The following ASTN2 variants were observed in gnomAD, a reference collection of about 807,000 sequenced individuals.
ASTN2 encodes the protein astrotactin 2, also known as astrotactin-2.
A neutral mutation model predicts 139.8 loss-of-function variants in ASTN2; 54 were observed. The ratio of observed to expected loss-of-function variants is 0.39; its 90% CI spans 0.31 to 0.48. The LOEUF (loss-of-function observed/expected upper bound fraction) is 0.48, where lower values mean the gene tolerates loss of function less well. Ranked by LOEUF, ASTN2 falls within the 20% of genes least tolerant of loss-of-function variation. The pLI is 0.95. For missense variants in ASTN2, 1,565 were observed against 1,725.1 expected (o/e 0.91, Z 1.64); for synonymous variants, 756 against 719.5 (o/e 1.05, Z -0.81).
intron 16 of ASTN2, among the ~76,000 whole-genome samples, chr9:116,724,807 T>C (rs549935975): frequency 7.9e-5 from 12 of 152,212 alleles, no homozygotes; most frequent in Non-Finnish European, 1.8e-4. Flanking sequence ...CTTTTACAAA[T>C]AGTTGATAAT....
At position 116,462,123 on chromosome 9, in the gene ASTN2, T is replaced by C. The variant is rs1274847108; in HGVS notation, c.3498-19570A>G. On this transcript the variant is annotated intron_variant, in intron 20 of 22. Coordinates refer to ENST00000313400, the MANE Select transcript of ASTN2 (RefSeq NM_001365068.1). ...AGCCAGGGTTTAAACCCAAGCCTGA[T>C]TCTAAAGACCACTCTCTTTCTGCTA... Among the ~76,000 whole-genome samples, 7 of 152,178 alleles carry C rather than the reference T, an allele frequency of 4.6e-5. No individual in the cohort carries two copies. The East Asian group carries it at 1.3e-3, about 29-fold the overall frequency.
chr9:116,676,389 G>C (rs1026605776), intron 16 of ASTN2, among the ~76,000 whole-genome samples: 1 of 152,208 alleles, frequency 6.6e-6, no homozygotes, highest in Non-Finnish European at 1.5e-5. Context: ...GTAATGGAGA[G>C]AGGGGTATCA....
chr9:116,597,878 T>A (rs893024492), intron 19 of ASTN2, among the ~76,000 whole-genome samples: 4 of 152,164 alleles, frequency 2.6e-5, no homozygotes, highest in Non-Finnish European at 5.9e-5. Context: ...TCCTACATCG[T>A]TGATGTCAGC....
intron 2 of ASTN2, among the ~76,000 whole-genome samples, chr9:117,236,346 T>G (rs933566732): frequency 6.6e-6 from 1 of 152,174 alleles, no homozygotes; most frequent in Non-Finnish European, 1.5e-5. Flanking sequence ...GCTACCATCA[T>G]GGGGAGGTCC....
At chr9:116,890,387 G>A (rs1833733365) in intron 10 of ASTN2, among the ~76,000 whole-genome samples, 1 of 152,174 alleles carries the variant, frequency 6.6e-6, no homozygotes, top group Non-Finnish European at 1.5e-5. Context: ...GCTAGCAATA[G>A]CTCAACATGG....
intron 4 of ASTN2, among the ~76,000 whole-genome samples, chr9:117,116,473 C>T (rs1021748964): frequency 2.0e-5 from 3 of 151,988 alleles, no homozygotes; most frequent in Non-Finnish European, 4.4e-5. Context: ...AAGAATTAAA[C>T]AAACACACAA....
At chr9:116,839,879 TTA>T in intron 11 of ASTN2, among the ~76,000 whole-genome samples, 2 of 107,494 alleles carry the variant, frequency 1.9e-5, no homozygotes, top group South Asian at 5.5e-4. Flanking sequence ...ATTATTATTA[TTA>T]TTTTTTTTTT....
chr9:116,953,496 C>T (rs1024091061), intron 10 of ASTN2, among the ~76,000 whole-genome samples: 3 of 152,192 alleles, frequency 2.0e-5, no homozygotes, highest in Admixed American at 6.5e-5. Flanking sequence ...ATGAGACACT[C>T]ATTTTTGCAT....
At chr9:116,676,551 T>G (rs1859513969) in intron 16 of ASTN2, among the ~76,000 whole-genome samples, 1 of 152,214 alleles carries the variant, frequency 6.6e-6, no homozygotes, top group African/African-American at 2.4e-5. Context: ...CTCAACCTTG[T>G]GACCATATGG....
chr9:116,460,892 A>C (rs1036330703), intron 20 of ASTN2, among the ~76,000 whole-genome samples: 1 of 152,172 alleles, frequency 6.6e-6, no homozygotes, highest in Non-Finnish European at 1.5e-5. Flanking sequence ...CCCATTTCTT[A>C]ACAAATGGTA....
chr9:117,088,791 C>G (rs1828631040), intron 5 of ASTN2, among the ~76,000 whole-genome samples: 1 of 152,202 alleles, frequency 6.6e-6, no homozygotes, highest in Non-Finnish European at 1.5e-5. Flanking sequence ...GAGCAACCTG[C>G]AGATGAGAAA....
intron 1 of ASTN2, among the ~76,000 whole-genome samples, chr9:117,400,123 G>A (rs1490838020): frequency 6.6e-6 from 1 of 152,168 alleles, no homozygotes. Context: ...CTGCTTTCCT[G>A]AAAGAGACTT....
At chr9:117,226,054 G>A (rs534451632) in intron 2 of ASTN2, among the ~76,000 whole-genome samples, 34 of 152,244 alleles carry the variant, frequency 2.2e-4, no homozygotes, top group African/African-American at 7.5e-4. Context: ...ACATGGTAAG[G>A]GGCAAAGAGT....
At chr9:116,892,241 T>C (rs974475501) in intron 10 of ASTN2, among the ~76,000 whole-genome samples, 1 of 152,222 alleles carries the variant, frequency 6.6e-6, no homozygotes, top group Non-Finnish European at 1.5e-5. Context: ...AACTACTTTA[T>C]TGCAATTCTT....
chr9:116,624,431 C>G (rs887077666), intron 17 of ASTN2, among the ~76,000 whole-genome samples: 1 of 152,190 alleles, frequency 6.6e-6, no homozygotes, highest in Non-Finnish European at 1.5e-5. Flanking sequence ...CAAAGAGACA[C>G]ACACAAACAA....
At chr9:116,455,361 A>G (rs944538685) in intron 20 of ASTN2, among the ~76,000 whole-genome samples, 389 of 151,572 alleles carry the variant, frequency 2.6e-3, no homozygotes, top group African/African-American at 7.9e-3. Flanking sequence ...AAAAAAAAAA[A>G]AAAAGAAAAG....
intron 2 of ASTN2, among the ~76,000 whole-genome samples, chr9:117,260,525 C>T (rs1322485413): frequency 6.6e-6 from 1 of 152,134 alleles, no homozygotes; most frequent in East Asian, 1.9e-4. Context: ...AAACCATATA[C>T]AATCAAGAAT....
intron 13 of ASTN2, among the ~76,000 whole-genome samples, chr9:116,773,739 G>A (rs1317052803): frequency 6.6e-6 from 1 of 152,152 alleles, no homozygotes. Context: ...GCTCAGAGAG[G>A]TTAAGAATCT....
At chr9:117,322,679 T>G (rs994670527) in intron 1 of ASTN2, among the ~76,000 whole-genome samples, 4 of 152,168 alleles carry the variant, frequency 2.6e-5, no homozygotes, top group Non-Finnish European at 5.9e-5. Flanking sequence ...GAGGTGCACC[T>G]TGCTGCTTCC....
Sources: allele counts gnomAD v4.1 joint callset (sites outside exome capture counted in the v4.1 genomes callset), GRCh38; gene constraint gnomAD v4.1.1; transcripts MANE v1.5; gene names NCBI Gene and HGNC (gene_info 2026-07-23, HGNC 2026-07-21).